Variants in LRMDA observed in about 807,000 individuals in gnomAD.
The protein encoded by LRMDA is leucine rich melanocyte differentiation associated, also known as leucine-rich melanocyte differentiation-associated protein.
LRMDA carries 18 observed loss-of-function variants against 29.8 expected under a neutral mutation model. The ratio of observed to expected loss-of-function variants is 0.60; its 90% CI spans 0.42 to 0.90. LRMDA has a LOEUF of 0.90. Ranked by LOEUF, LRMDA falls within the 40% of genes least tolerant of loss-of-function variation. The pLI is 0.00. For synonymous variants in LRMDA, 125 were observed against 109.4 expected (o/e 1.14, Z -0.89); for missense variants, 273 against 273.9 (o/e 1.00, Z 0.02).
At chr10:76,058,909 C>T in intron 5 of LRMDA, 126 bp downstream of exon 5, 1 of 736,910 alleles carries the variant, frequency 1.4e-6, no homozygotes, top group Non-Finnish European at 2.4e-6. Flanking sequence ...AAGGGTCCTT[C>T]CATGGATACA....
At chr10:76,537,055 A>G (rs1488062535) in intron 6 of LRMDA, among the ~76,000 whole-genome samples, 1 of 152,218 alleles carries the variant, frequency 6.6e-6, no homozygotes. Context: ...CTTATTAAAA[A>G]ATCAAATGTA....
At chr10:75,690,889 C>T (rs1314585214) in intron 2 of LRMDA, among the ~76,000 whole-genome samples, 1 of 150,210 alleles carries the variant, frequency 6.7e-6, no homozygotes, top group East Asian at 2.0e-4. Context: ...GGGAGGATCC[C>T]TTGAGCCCAG....
chr10:75,811,828 T>C (rs1843966349), intron 2 of LRMDA, among the ~76,000 whole-genome samples: 1 of 152,210 alleles, frequency 6.6e-6, no homozygotes, highest in African/African-American at 2.4e-5. Flanking sequence ...GGAGCACATC[T>C]TGTTGTGGAC....
intron 2 of LRMDA, among the ~76,000 whole-genome samples, chr10:75,471,928 T>C (rs991143522): frequency 6.6e-6 from 1 of 152,160 alleles, no homozygotes; most frequent in Non-Finnish European, 1.5e-5. Context: ...TTCTTATCCT[T>C]GACCCTCTGG....
chr10:76,170,863 TTATC>T (rs1850823041), intron 5 of LRMDA, among the ~76,000 whole-genome samples: 1 of 152,208 alleles, frequency 6.6e-6, no homozygotes, highest in Non-Finnish European at 1.5e-5. Context: ...CTAAAAAATA[TTATC>T]TGTTACTACT....
intron 2 of LRMDA, among the ~76,000 whole-genome samples, chr10:75,445,252 G>A (rs909010196): frequency 3.3e-5 from 5 of 151,954 alleles, no homozygotes; most frequent in Non-Finnish European, 7.4e-5. Context: ...TATCACAATT[G>A]TTAAAGGTTT....
In LRMDA at chr10:76,186,542, C is replaced by T. The variant is rs764341613; in HGVS notation, c.516+127759C>T. On this transcript the variant is annotated intron_variant, in intron 5 of 6. Coordinates refer to ENST00000611255, the MANE Select transcript of LRMDA (RefSeq NM_001305581.2). The stretch of plus-strand genomic sequence containing the variant: ...CTGTCCTGGTGGCAATAGGTTTCCT[C>T]TGTTGAGAAGTCCTGCAGCTCTGGT... Among the ~76,000 whole-genome samples, 51 of 152,220 alleles carry T rather than the reference C, an allele frequency of 3.4e-4. 1 individual carries two copies. The highest frequency in any genetic ancestry group is 1.0e-4 in the Non-Finnish European group (7 of 68,036).
intron 2 of LRMDA, among the ~76,000 whole-genome samples, chr10:75,654,890 CAT>C (rs1486136846): frequency 6.6e-5 from 10 of 152,194 alleles, no homozygotes; most frequent in African/African-American, 1.9e-4. Context: ...AAATCACAAT[CAT>C]GTGACACTTT....
At chr10:76,332,114 C>T (rs757295428) in intron 6 of LRMDA, among the ~76,000 whole-genome samples, 2 of 152,128 alleles carry the variant, frequency 1.3e-5, no homozygotes, top group East Asian at 1.9e-4. Flanking sequence ...TGTACAGAGC[C>T]GGGCTGGGTG....
chr10:76,318,660 C>G (rs1461629375), intron 5 of LRMDA: 1 of 152,342 alleles, frequency 6.6e-6, no homozygotes, highest in East Asian at 1.9e-4. Flanking sequence ...TGGCTCTAGA[C>G]AGGATATGGC....
intron 2 of LRMDA, among the ~76,000 whole-genome samples, chr10:75,822,642 C>G (rs1446991054): frequency 6.6e-6 from 1 of 151,978 alleles, no homozygotes; most frequent in Admixed American, 6.5e-5. Flanking sequence ...GAATAGAGAA[C>G]CCAGAAATAT....
intron 5 of LRMDA, among the ~76,000 whole-genome samples, chr10:76,146,861 G>A (rs1020606991): frequency 6.6e-6 from 1 of 152,170 alleles, no homozygotes. Flanking sequence ...TCCTTCAGGA[G>A]CTCATTTAGG....
At chr10:75,954,078 A>G (rs1275857877) in intron 2 of LRMDA, among the ~76,000 whole-genome samples, 2 of 152,216 alleles carry the variant, frequency 1.3e-5, no homozygotes, top group Non-Finnish European at 2.9e-5. Context: ...AGAAGCAGAA[A>G]GTGGATCACA....
Position 75,802,331 on chromosome 10 carries a change from A to ATG in LRMDA, c.132-233677_132-233676insTG, listed in dbSNP as rs986237698. Among the ~76,000 whole-genome samples, 775 of 112,752 alleles carry ATG rather than the reference A, an allele frequency of 6.9e-3. 3 individuals are homozygous for ATG. Among genetic ancestry groups the ATG allele is most frequent in the African/African-American group, 0.018 (555 of 31,346 alleles). The allele number at this position is 112,752 out of a possible 152,430, so 74.0% of individuals were successfully genotyped here. On this transcript the variant is annotated intron_variant, in intron 2 of 6. Coordinates refer to ENST00000611255, the MANE Select transcript of LRMDA (RefSeq NM_001305581.2). Reference sequence around the variant, plus strand: ...AGACCCTATCTCTAAACACACACACACGCGCACACACACACACACACACAC... The same window carrying ATG: ...AGACCCTATCTCTAAACACACACACATGCGCGCACACACACACACACACACAC...
intron 2 of LRMDA, among the ~76,000 whole-genome samples, chr10:75,866,765 G>GT (rs1185755949): frequency 6.6e-6 from 1 of 152,152 alleles, no homozygotes; most frequent in Non-Finnish European, 1.5e-5. Context: ...AATTAATCCT[G>GT]TGTACTGCAG....
chr10:75,927,756 A>G (rs949203560), intron 2 of LRMDA, among the ~76,000 whole-genome samples: 1 of 152,214 alleles, frequency 6.6e-6, no homozygotes, highest in African/African-American at 2.4e-5. Context: ...ATTTGGACTC[A>G]GGTCTGCCGA....
chr10:76,045,742 T>C (rs1219442671), intron 3 of LRMDA, among the ~76,000 whole-genome samples: 4 of 151,994 alleles, frequency 2.6e-5, no homozygotes, highest in Non-Finnish European at 5.9e-5. Context: ...GGTCACTGAG[T>C]AGAGGTTAGA....
chr10:75,847,976 A>G (rs1211473176), intron 2 of LRMDA, among the ~76,000 whole-genome samples: 2 of 152,224 alleles, frequency 1.3e-5, no homozygotes, highest in African/African-American at 2.4e-5. Flanking sequence ...ATGTAAAATG[A>G]TGCAACTGCT....
At chr10:75,451,706 C>G (rs562052629) in intron 2 of LRMDA, 2 of 152,060 alleles carry the variant, frequency 1.3e-5, no homozygotes, top group Admixed American at 1.3e-4. Context: ...CACTTCATCC[C>G]CTACCCTGCT....
Sources: gnomAD v4.1 joint callset for allele counts (sites outside exome capture counted in the v4.1 genomes callset) on GRCh38, gnomAD v4.1.1 for gene constraint, MANE v1.5 for transcripts, NCBI Gene and HGNC (gene_info 2026-07-23, HGNC 2026-07-21) for gene names.